The following ADCY9 variants were observed in gnomAD, a reference collection of about 807,000 sequenced individuals.
The protein encoded by ADCY9 is adenylate cyclase type 9.
A neutral mutation model predicts 101.5 loss-of-function variants in ADCY9; 50 were observed. The ratio of observed to expected loss-of-function variants is 0.49; its 90% CI spans 0.39 to 0.62. ADCY9 has a LOEUF of 0.62. Ranked by LOEUF, ADCY9 falls within the 20% of genes least tolerant of loss-of-function variation. The pLI, the probability that ADCY9 is intolerant of heterozygous loss-of-function variation, is 0.00. For missense variants in ADCY9, 1,662 were observed against 1,800.4 expected, an observed-to-expected ratio of 0.92 and a Z score of 1.39; for synonymous variants, 905 against 769.3, an observed-to-expected ratio of 1.18 and a Z score of -2.92.
At chr16:4,061,330 T>C (rs1002817942) in intron 2 of ADCY9, among the ~76,000 whole-genome samples, 1 of 152,118 alleles carries the variant, frequency 6.6e-6, no homozygotes, top group African/African-American at 2.4e-5. Context: ...CACATTTGAT[T>C]TTAAAAAATT....
chr16:3,993,246 C>T (rs2056260162), intron 4 of ADCY9, 160 bp downstream of exon 4: 4 of 1,325,878 alleles, frequency 3.0e-6, no homozygotes, highest in East Asian at 2.6e-5. Flanking sequence ...CCTCGAGCTC[C>T]CTGCCGGTCT....
intron 3 of ADCY9, among the ~76,000 whole-genome samples, chr16:3,996,155 G>C (rs2056284969): frequency 1.3e-5 from 2 of 152,144 alleles, no homozygotes; most frequent in Admixed American, 1.3e-4. Context: ...AGGGCCAGGA[G>C]TTCAAGACCA....
chr16:4,041,919 G>GTTTTTTT (rs750737772), intron 2 of ADCY9, among the ~76,000 whole-genome samples: 3 of 100,670 alleles, frequency 3.0e-5, no homozygotes, highest in African/African-American at 4.0e-5. Flanking sequence ...CCCCAGCTAA[G>GTTTTTTT]TTTTTTTTTT....
chr16:4,101,414 G>T (rs1464390278), intron 2 of ADCY9, among the ~76,000 whole-genome samples: 3 of 151,722 alleles, frequency 2.0e-5, no homozygotes, highest in Non-Finnish European at 2.9e-5. Context: ...CAAGTAGCTT[G>T]GAATACAGGC....
At position 3,992,179 on chromosome 16, in the gene ADCY9, T is replaced by C; in HGVS notation, c.2174A>G (p.Asp725Gly). 6.2e-7 allele frequency: 1 copy of C among 1,614,116 alleles called. No individual in the cohort carries two copies. Among genetic ancestry groups the C allele is most frequent in the Non-Finnish European group, 8.5e-7 (1 of 1,180,018 alleles). Reference sequence around the variant, plus strand: ...TTTGATAACGTCCACAAAGTGGGCGTCCGTTTTCTCCCGGATGTTCTTGAA... The same window carrying C: ...TTTGATAACGTCCACAAAGTGGGCGCCCGTTTTCTCCCGGATGTTCTTGAA... ...LRFKNIREKT[D>G]AHFVDVIKED... The change falls in exon 5 of 11, where the codon GAC (aspartate) becomes GGC (glycine). Residue 725 changes from aspartate (D) to glycine (G), a missense_variant. By Grantham distance (94) the Asp-to-Gly change is moderately conservative. Coordinates refer to ENST00000294016, the MANE Select transcript of ADCY9 (RefSeq NM_001116.4). This position sits in a 1 kb window ranked among gnomAD's most constrained non-coding sequence, Gnocchi z 4.2.
chr16:4,067,931 G>T (rs1401135100), intron 2 of ADCY9, among the ~76,000 whole-genome samples: 3 of 152,096 alleles, frequency 2.0e-5, no homozygotes, highest in Non-Finnish European at 4.4e-5. Flanking sequence ...CTGCAACATA[G>T]AATTTAATTA....
intron 2 of ADCY9, among the ~76,000 whole-genome samples, chr16:4,075,585 C>T (rs894059530): frequency 2.6e-5 from 4 of 152,302 alleles, no homozygotes; most frequent in African/African-American, 9.6e-5. Context: ...AATCTGTCAA[C>T]ATGTAAATAC....
chr16:4,028,462 C>T (rs932813153), intron 2 of ADCY9, among the ~76,000 whole-genome samples: 1 of 152,096 alleles, frequency 6.6e-6, no homozygotes, highest in African/African-American at 2.4e-5. Flanking sequence ...TACAGAAGAA[C>T]CTCAAAAACA....
intron 2 of ADCY9, among the ~76,000 whole-genome samples, chr16:4,009,421 A>G (rs1597162119): frequency 1.3e-5 from 2 of 151,762 alleles, no homozygotes; most frequent in African/African-American, 4.8e-5. Context: ...ATGTCCAACT[A>G]TTTCTTTCTT....
rs71139606 is a variant in ADCY9 at position 4,097,487 on chromosome 16, T to TACACACACACACAC, written c.1693+16249_1693+16262dup. On this transcript the variant is annotated intron_variant, in intron 2 of 10. Coordinates refer to ENST00000294016, the MANE Select transcript of ADCY9 (RefSeq NM_001116.4). ...ATATATATATATATATATATATATA[T>TACACACACACACAC]ACACACACACACACTATATATATGT... is the stretch of plus-strand genomic sequence containing the variant. Among the ~76,000 whole-genome samples the TACACACACACACAC allele has an allele frequency of 1.7e-3, 124 of 72,434 alleles. 1 individual carries two copies. Among genetic ancestry groups the TACACACACACACAC allele is most frequent in the Middle Eastern group, 0.01 (1 of 98 alleles). The allele number at this position is 72,434 out of a possible 152,430, so 47.5% of individuals were successfully genotyped here. A position where few individuals can be genotyped will look rare whatever the true frequency, so the allele number is the denominator to read the frequency against.
intron 2 of ADCY9, among the ~76,000 whole-genome samples, chr16:4,110,328 G>T (rs2057105619): frequency 6.6e-6 from 1 of 151,884 alleles, no homozygotes; most frequent in Non-Finnish European, 1.5e-5. Flanking sequence ...CTTTCCCAAA[G>T]GCGGAAAGTA....
At chr16:4,018,325 T>C (rs555464495) in intron 2 of ADCY9, among the ~76,000 whole-genome samples, 21 of 152,026 alleles carry the variant, frequency 1.4e-4, no homozygotes, top group African/African-American at 5.1e-4. Context: ...GCAATTCTCT[T>C]CCACAGCCTC....
intron 7 of ADCY9, among the ~76,000 whole-genome samples, chr16:3,981,431 G>A (rs895774594): frequency 1.3e-5 from 2 of 152,200 alleles, no homozygotes; most frequent in East Asian, 1.9e-4. Context: ...CAGACCTGGG[G>A]GAGTGACTGC....
intron 2 of ADCY9, among the ~76,000 whole-genome samples, chr16:4,047,798 A>G (rs1373283626): frequency 6.6e-6 from 1 of 152,186 alleles, no homozygotes. Context: ...ACCTCAGGTG[A>G]TCCGCCCGCC....
chr16:4,094,831 G>A (rs2056993178), intron 2 of ADCY9, among the ~76,000 whole-genome samples: 1 of 152,038 alleles, frequency 6.6e-6, no homozygotes, highest in African/African-American at 2.4e-5. Flanking sequence ...AAACTCAGGA[G>A]ATCCAGAAGA....
downstream of ADCY9, among the ~76,000 whole-genome samples, chr16:3,961,122 T>G (rs548504176): frequency 6.6e-6 from 1 of 152,276 alleles, no homozygotes; most frequent in South Asian, 2.1e-4. Flanking sequence ...TGAGAAATCC[T>G]CTAAGTCACT....
rs555720986 is a variant in ADCY9 at position 4,003,580 on chromosome 16, T to C, written c.1884+3788A>G. ...TTTCTTTTCTTTTTTTTTTTTTTTT[T>C]TTGAGACAGTGTCTCATTCTGTCAC... is the stretch of plus-strand genomic sequence containing the variant. On this transcript the variant is annotated intron_variant, in intron 3 of 10. Transcript: ENST00000294016. Among the ~76,000 whole-genome samples the C allele has an allele frequency of 9.8e-3, 1,481 of 150,590 alleles. 22 individuals carry two copies. Among genetic ancestry groups the C allele is most frequent in the African/African-American group, 0.035 (1,425 of 41,066 alleles).
Position 4,115,368 on chromosome 16 carries a change from G to A in ADCY9, c.75C>T (p.Ser25=). 2 of 1,607,356 alleles carry A rather than the reference G, an allele frequency of 1.2e-6. No homozygotes were observed. The highest frequency in any genetic ancestry group is 2.2e-5 in the East Asian group (1 of 44,674). The change falls in exon 2 of 11, where the codon AGC becomes AGT. Residue 25 remains serine, a synonymous_variant. Transcript: ENST00000294016. The surrounding 1 kb of genome is among the most constrained non-coding windows in gnomAD (Gnocchi z 6.2). The part of the protein sequence containing the change: ...TEVSCDSSGD[S]NSVRVKINPK... ...GGTTGATCTTGACGCGCACGCTGTT[G>A]CTGTCCCCGCTGGAGTCGCAGCTCA...
At chr16:4,048,588 C>T (rs899596745) in intron 2 of ADCY9, among the ~76,000 whole-genome samples, 1 of 152,172 alleles carries the variant, frequency 6.6e-6, no homozygotes, top group Non-Finnish European at 1.5e-5. Context: ...GACGTCAGTA[C>T]CCCTGCAAGA....
Sources: allele counts gnomAD v4.1 joint callset (sites outside exome capture counted in the v4.1 genomes callset), GRCh38; gene constraint gnomAD v4.1.1; non-coding constraint Gnocchi (gnomAD v3.1); transcripts MANE v1.5; gene names NCBI Gene and HGNC (gene_info 2026-07-23, HGNC 2026-07-21).